The following PLCB4 variants were observed in gnomAD, a reference collection of about 807,000 sequenced individuals.
PLCB4 encodes phospholipase C beta 4.
Under a neutral mutation model 178.8 loss-of-function variants are expected in PLCB4, and 77 were observed. That is an observed-to-expected ratio of 0.43 (90% CI 0.36 to 0.52). The LOEUF (loss-of-function observed/expected upper bound fraction) is 0.52. PLCB4 is among the 20% of genes least tolerant of loss of function. The pLI is 0.00. For synonymous variants in PLCB4, 496 were observed against 490.8 expected (o/e 1.01, Z -0.14); for missense variants, 1,024 against 1,453.4 (o/e 0.70, Z 4.80).
Position 9,443,950 on chromosome 20 carries a change from C to T in PLCB4, c.2765-31C>T, listed in dbSNP as rs576710699. 7 of 1,284,584 alleles carry T rather than the reference C, an allele frequency of 5.4e-6. No homozygotes were observed. In the African/African-American group the frequency reaches 7.4e-5, roughly 14 times the overall value. 79.6% of individuals were successfully genotyped at this position (1,284,584 alleles called of 1,614,324 possible). A position where few individuals can be genotyped will look rare whatever the true frequency, so the allele number is the denominator to read the frequency against. On this transcript the variant is annotated intron_variant, in intron 30 of 39. Transcript: ENST00000378473. ...GTTATTCTCTCTGATTTTTAGTATA[C>T]ATAGTGACTTAATTTTTTTTGTTTG...
At chr20:9,453,621 T>A (rs2042898776) in intron 33 of PLCB4, among the ~76,000 whole-genome samples, 159 bp downstream of exon 33, 1 of 152,232 alleles carries the variant, frequency 6.6e-6, no homozygotes. Context: ...TCATTTTAAA[T>A]GCTCTAACAT....
At chr20:9,140,482 A>G (rs2092465796) in intron 2 of PLCB4, among the ~76,000 whole-genome samples, 1 of 151,846 alleles carries the variant, frequency 6.6e-6, no homozygotes, top group African/African-American at 2.4e-5. Context: ...GGAAGTTGAG[A>G]TGGTTTGGTC....
At chr20:9,241,911 G>A (rs1301042494) in intron 3 of PLCB4, among the ~76,000 whole-genome samples, 1 of 152,212 alleles carries the variant, frequency 6.6e-6, no homozygotes, top group Non-Finnish European at 1.5e-5. Flanking sequence ...TAGTGGGTCA[G>A]TTGGGGGCTG....
chr20:9,386,706 C>T (rs1014919020), intron 14 of PLCB4, among the ~76,000 whole-genome samples: 3 of 151,812 alleles, frequency 2.0e-5, no homozygotes, highest in Admixed American at 2.0e-4. Flanking sequence ...ATATGCACAA[C>T]GTGCAGGTTT....
intron 2 of PLCB4, among the ~76,000 whole-genome samples, chr20:9,160,666 T>C (rs926149402): frequency 6.6e-6 from 1 of 152,188 alleles, no homozygotes; most frequent in African/African-American, 2.4e-5. Flanking sequence ...AGTTACAAGC[T>C]GTTTTCTAGA....
At chr20:9,436,485 G>T (rs540318445) in intron 29 of PLCB4, among the ~76,000 whole-genome samples, 12 of 152,142 alleles carry the variant, frequency 7.9e-5, no homozygotes, top group Non-Finnish European at 1.5e-4. Flanking sequence ...CTCAGCAGTT[G>T]GGACTACAGA....
intron 2 of PLCB4, among the ~76,000 whole-genome samples, chr20:9,156,206 T>C (rs1220264380): frequency 6.6e-6 from 1 of 152,198 alleles, no homozygotes; most frequent in Non-Finnish European, 1.5e-5. Context: ...TGGGCAGCTC[T>C]TTAACACTGG....
rs1237701807 is a variant in PLCB4, at chr20:9,448,390, C to A, written c.2880+4147C>A. 5.3e-5 allele frequency among the ~76,000 whole-genome samples: 8 copies of A among 152,290 alleles called. No homozygotes were observed. The East Asian group carries it at 1.4e-3, about 26-fold the overall frequency. ...GAAGAAATATGACCTGGGCTGCACTCTCCCTACTAGTGTGCCCCTGGCCCA... is the reference window on the plus strand; with the variant it reads ...GAAGAAATATGACCTGGGCTGCACTATCCCTACTAGTGTGCCCCTGGCCCA... On this transcript the variant is annotated intron_variant, in intron 32 of 39. Transcript: ENST00000378473.
rs114105141 is a variant in PLCB4 at position 9,450,247 on chromosome 20, C to T, written c.2881-3100C>T. On this transcript the variant is annotated intron_variant, in intron 32 of 39. Coordinates refer to ENST00000378473, the MANE Select transcript of PLCB4 (RefSeq NM_001377142.1). ...TTAACTAAGGACCAAAAGAATAAAA[C>T]CAATAATGGACATTTTTTTTAAGCT... 9.4e-3 allele frequency among the ~76,000 whole-genome samples: 1,437 copies of T among 152,240 alleles called. 18 individuals carry two copies. The highest frequency in any genetic ancestry group is 0.033 in the African/African-American group (1,363 of 41,546).
At chr20:9,141,314 C>A (rs747539264) in intron 2 of PLCB4, among the ~76,000 whole-genome samples, 1 of 152,148 alleles carries the variant, frequency 6.6e-6, no homozygotes, top group Non-Finnish European at 1.5e-5. Flanking sequence ...TGGGATATGA[C>A]GGATGCACCT....
intron 33 of PLCB4, among the ~76,000 whole-genome samples, chr20:9,455,445 A>C (rs931129593): frequency 6.6e-6 from 1 of 152,216 alleles, no homozygotes; most frequent in Non-Finnish European, 1.5e-5. Flanking sequence ...AATTGATAAA[A>C]TATATCTTTA....
chr20:9,438,679 A>G (rs1017448836), intron 30 of PLCB4, among the ~76,000 whole-genome samples: 1 of 151,814 alleles, frequency 6.6e-6, no homozygotes, highest in African/African-American at 2.4e-5. Context: ...GGCAGAATGA[A>G]TGGGGAAAAA....
intron 7 of PLCB4, among the ~76,000 whole-genome samples, chr20:9,348,669 A>G (rs576622266): frequency 2.6e-5 from 4 of 151,940 alleles, no homozygotes; most frequent in Non-Finnish European, 5.9e-5. Context: ...GAAACTCCCT[A>G]CTTTCATAAG....
chr20:9,303,960 C>G (rs2094734617), intron 3 of PLCB4, among the ~76,000 whole-genome samples: 1 of 151,950 alleles, frequency 6.6e-6, no homozygotes, highest in Admixed American at 6.6e-5. Context: ...TGAGTTTGTG[C>G]TGCAGCCACC....
At chr20:9,099,564 A>G (rs2876150) in intron 2 of PLCB4, among the ~76,000 whole-genome samples, 133,344 of 152,134 alleles carry the variant, frequency 0.88, 58,890 homozygotes, top group East Asian at 1. Context: ...AGCACATAGA[A>G]CATTATCATC....
chr20:9,153,947 C>G (rs1261924263), intron 2 of PLCB4, among the ~76,000 whole-genome samples: 1 of 152,192 alleles, frequency 6.6e-6, no homozygotes, highest in East Asian at 1.9e-4. Flanking sequence ...AAAGTAATGA[C>G]TCCTTTTCTG....
intron 2 of PLCB4, among the ~76,000 whole-genome samples, chr20:9,215,148 G>A (rs1041934147): frequency 6.6e-6 from 1 of 152,108 alleles, no homozygotes; most frequent in Non-Finnish European, 1.5e-5. Context: ...TAATTATTCA[G>A]CATTCAACAA....
chr20:9,464,544 AAAG>A (rs1252149742), intron 35 of PLCB4, among the ~76,000 whole-genome samples: 10 of 152,212 alleles, frequency 6.6e-5, no homozygotes, highest in African/African-American at 2.2e-4. Context: ...CAAGACTAAT[AAAG>A]AAGAAAAGAG....
chr20:9,286,402 G>T (rs1447671475), intron 3 of PLCB4, among the ~76,000 whole-genome samples: 4 of 152,000 alleles, frequency 2.6e-5, no homozygotes, highest in Non-Finnish European at 4.4e-5. Flanking sequence ...ACAGATTTAG[G>T]TTTGGAAGGT....
Sources: allele counts gnomAD v4.1 joint callset (sites outside exome capture counted in the v4.1 genomes callset), GRCh38; gene constraint gnomAD v4.1.1; transcripts MANE v1.5; gene names NCBI Gene and HGNC (gene_info 2026-07-23, HGNC 2026-07-21).